NEGR1: variants seen among roughly 807,000 people sequenced by gnomAD.
NEGR1 encodes the protein neuronal growth regulator 1.
Under a neutral mutation model 40.9 loss-of-function variants are expected in NEGR1, and 10 were observed. That is an observed-to-expected ratio of 0.24 (90% CI 0.15 to 0.42). NEGR1 has a LOEUF of 0.42. Among genes scored for constraint, NEGR1 ranks in the 10% least tolerant of loss-of-function variants. NEGR1 has a pLI of 1.00. For synonymous variants in NEGR1, 185 were observed against 166.8 expected (o/e 1.11, Z -0.84); for missense variants, 352 against 438.9 (o/e 0.80, Z 1.77).
intron 1 of NEGR1, among the ~76,000 whole-genome samples, chr1:72,048,998 T>C (rs893673720): frequency 4.6e-5 from 7 of 151,408 alleles, no homozygotes; most frequent in African/African-American, 7.3e-5. Context: ...AAATATATAG[T>C]ATAATGAAAT....
chr1:72,260,903 G>T (rs532925778), intron 1 of NEGR1, among the ~76,000 whole-genome samples: 5 of 152,056 alleles, frequency 3.3e-5, no homozygotes, highest in African/African-American at 1.2e-4. Flanking sequence ...AACAATTGTT[G>T]AAGATTAACA....
At chr1:71,625,236 ATT>A (rs1169122131) in intron 4 of NEGR1, among the ~76,000 whole-genome samples, 1 of 151,536 alleles carries the variant, frequency 6.6e-6, no homozygotes, top group Non-Finnish European at 1.5e-5. Context: ...CACATTTTTG[ATT>A]TTTTTGTGTG....
chr1:71,960,189 T>G (rs1477994778), intron 1 of NEGR1, among the ~76,000 whole-genome samples: 18 of 152,190 alleles, frequency 1.2e-4, no homozygotes, highest in Non-Finnish European at 2.9e-5. Flanking sequence ...GCCTACTTAT[T>G]GGGCATCTTT....
chr1:72,080,654 G>A (rs74701634), intron 1 of NEGR1, among the ~76,000 whole-genome samples: 2,064 of 152,122 alleles, frequency 0.014, 46 homozygotes, highest in African/African-American at 0.047. Flanking sequence ...TATACACCTG[G>A]AGTTGTATTC....
chr1:72,036,746 T>A (rs1168075356), intron 1 of NEGR1, among the ~76,000 whole-genome samples: 1 of 151,806 alleles, frequency 6.6e-6, no homozygotes, highest in Non-Finnish European at 1.5e-5. Context: ...TATTAAGAAG[T>A]TTTTACTGAT....
intron 1 of NEGR1, among the ~76,000 whole-genome samples, chr1:72,231,599 GATTA>G (rs1654367044): frequency 6.6e-6 from 1 of 152,086 alleles, no homozygotes. Context: ...GTTGACATGT[GATTA>G]ATTTATCATT....
chr1:72,166,068 C>T (rs1430882763), intron 1 of NEGR1, among the ~76,000 whole-genome samples: 1 of 152,024 alleles, frequency 6.6e-6, no homozygotes, highest in African/African-American at 2.4e-5. Context: ...ACCTCTTTCT[C>T]TATTTATCTC....
chr1:71,757,072 A>G (rs766233324), intron 3 of NEGR1, among the ~76,000 whole-genome samples: 3 of 152,176 alleles, frequency 2.0e-5, no homozygotes, highest in Admixed American at 2.0e-4. Flanking sequence ...TTAAGTCATG[A>G]TCTCTCAGGC....
intron 6 of NEGR1, among the ~76,000 whole-genome samples, chr1:71,570,766 G>A (rs1460472829): frequency 1.3e-5 from 2 of 152,026 alleles, no homozygotes; most frequent in Non-Finnish European, 2.9e-5. Flanking sequence ...GTTCAAACAA[G>A]TCATCATAGT....
At chr1:72,227,827 A>G (rs1419640599) in intron 1 of NEGR1, among the ~76,000 whole-genome samples, 1 of 152,096 alleles carries the variant, frequency 6.6e-6, no homozygotes, top group Non-Finnish European at 1.5e-5. Flanking sequence ...CGGTTCTGGA[A>G]TTTCAGCTAG....
chr1:71,820,203 C>A (rs188361757), intron 2 of NEGR1, among the ~76,000 whole-genome samples: 4 of 152,044 alleles, frequency 2.6e-5, no homozygotes, highest in African/African-American at 9.6e-5. Context: ...AACAGACTGC[C>A]AACATGAGTA....
chr1:71,642,464 A>G (rs1025728139), intron 4 of NEGR1, among the ~76,000 whole-genome samples: 1 of 151,876 alleles, frequency 6.6e-6, no homozygotes. Flanking sequence ...AAAAAGAGAG[A>G]ATAGAATGAA....
chr1:71,788,976 G>T (rs185425152), intron 2 of NEGR1, among the ~76,000 whole-genome samples: 16 of 152,046 alleles, frequency 1.1e-4, no homozygotes, highest in Admixed American at 6.6e-4. Flanking sequence ...AGTTATATGA[G>T]AAACATATAC....
At chr1:71,514,426 G>A (rs1223383509) in intron 6 of NEGR1, among the ~76,000 whole-genome samples, 25 of 102,020 alleles carry the variant, frequency 2.5e-4, no homozygotes, top group Non-Finnish European at 2.5e-4. Context: ...CCTGACCCCC[G>A]GGCAGCCTAA....
intron 1 of NEGR1, among the ~76,000 whole-genome samples, chr1:71,983,737 T>C (rs981597717): frequency 6.6e-6 from 1 of 152,192 alleles, no homozygotes; most frequent in African/African-American, 2.4e-5. Context: ...AAGGGATGCA[T>C]ACATGTACAA....
intron 6 of NEGR1, chr1:71,486,939 A>C (rs748440249): frequency 9.2e-5 from 14 of 151,538 alleles, no homozygotes; most frequent in Admixed American, 2.6e-4. Context: ...CCCTGGAGAC[A>C]CTGATCAAGC....
chr1:71,501,353 T>C (rs1405620327), intron 6 of NEGR1, among the ~76,000 whole-genome samples: 1 of 152,170 alleles, frequency 6.6e-6, no homozygotes, highest in Non-Finnish European at 1.5e-5. Context: ...ACTTTAATCG[T>C]ATGAAGCAAT....
intron 6 of NEGR1, among the ~76,000 whole-genome samples, chr1:71,580,472 T>TA (rs948742272): frequency 1.0e-4 from 15 of 149,824 alleles, no homozygotes; most frequent in Non-Finnish European, 1.6e-4. Flanking sequence ...ATAATAAAAA[T>TA]AAAAAAAAAG....
At chr1:71,790,539 G>C (rs190991520) in intron 2 of NEGR1, among the ~76,000 whole-genome samples, 20 of 151,984 alleles carry the variant, frequency 1.3e-4, no homozygotes, top group Non-Finnish European at 2.6e-4. Context: ...AAAATGCAAG[G>C]AAGGAGAAGA....
Sources: gnomAD v4.1 joint callset for allele counts (sites outside exome capture counted in the v4.1 genomes callset) on GRCh38, gnomAD v4.1.1 for gene constraint, MANE v1.5 for transcripts, NCBI Gene and HGNC (gene_info 2026-07-23, HGNC 2026-07-21) for gene names.